ITPR2: variants seen among roughly 807,000 people sequenced by gnomAD.
The protein encoded by ITPR2 is inositol 1,4,5-trisphosphate-gated calcium channel ITPR2.
A neutral mutation model predicts 317.1 loss-of-function variants in ITPR2; 207 were observed. That is an observed-to-expected ratio of 0.65 (90% CI 0.58 to 0.73). ITPR2 has a LOEUF of 0.73. Ranked by LOEUF, ITPR2 falls within the 30% of genes least tolerant of loss-of-function variation. The pLI is 0.00. For synonymous variants in ITPR2, 1,156 were observed against 1,149.1 expected, an observed-to-expected ratio of 1.01 and a Z score of -0.12; for missense variants, 2,613 against 3,284.0, an observed-to-expected ratio of 0.80 and a Z score of 4.99.
chr12:26,443,053 G>C lies in ITPR2; in HGVS notation c.6450+490C>G, dbSNP rs537429998. On this transcript the variant is annotated intron_variant, in intron 46 of 56. Transcript: ENST00000381340. ...ATAATGTCTCATTTATGAGGGTGGT[G>C]GAGGGGTCAAGTGCTGCATACTGAA... Among the ~76,000 whole-genome samples, 7 of 152,046 alleles carry C rather than the reference G, an allele frequency of 4.6e-5. No individual in the cohort carries two copies. The South Asian group carries it at 1.5e-3, about 32-fold the overall frequency.
At position 26,544,719 on chromosome 12, in the gene ITPR2, G is replaced by A. The variant is rs1046824102; in HGVS notation, c.5073+5528C>T. Reference sequence around the variant, plus strand: ...AATTCAAATAAGTGGAGTCTCAAATGTAATATTAGAATAGCTCGTGTGAAA... The same window carrying A: ...AATTCAAATAAGTGGAGTCTCAAATATAATATTAGAATAGCTCGTGTGAAA... On this transcript the variant is annotated intron_variant, in intron 37 of 56. Coordinates refer to ENST00000381340, the MANE Select transcript of ITPR2 (RefSeq NM_002223.4). Among the ~76,000 whole-genome samples the A allele has an allele frequency of 2.0e-5, 3 of 150,398 alleles. No homozygotes were observed. In the East Asian group the frequency reaches 5.8e-4, roughly 29 times the overall value.
chr12:26,780,946 C>T lies in ITPR2; in HGVS notation c.163+9211G>A, dbSNP rs574444936. Among the ~76,000 whole-genome samples the T allele has an allele frequency of 9.2e-5, 14 of 152,256 alleles. No homozygotes were observed. The East Asian group carries it at 2.3e-3, about 25-fold the overall frequency. ...TTCCTCCTACCTTTAAGTCAACAGG[C>T]TAAGAAGGGAGTTACAGTGTTGGCT... On this transcript the variant is annotated intron_variant, in intron 2 of 56. Transcript: ENST00000381340.
Position 26,556,169 on chromosome 12 carries a change from C to T in ITPR2, c.4964+64G>A, listed in dbSNP as rs560547609. ...CATTTTATATCAGTGAAGTATAAAG[C>T]GGAAATGTTAGAGGCCATGTCAGTT... On this transcript the variant is annotated intron_variant, in intron 36 of 56. Transcript: ENST00000381340. 2.8e-3 allele frequency: 4,346 copies of T among 1,536,490 alleles called. 11 individuals are homozygous for T. The highest frequency in any genetic ancestry group is 3.6e-3 in the Non-Finnish European group (4,028 of 1,129,038).
At chr12:26,682,539 T>G in intron 12 of ITPR2, 35 bp downstream of exon 12, 1 of 1,318,794 alleles carries the variant, frequency 7.6e-7, no homozygotes, top group Non-Finnish European at 1.1e-6. Context: ...TCATGGCATT[T>G]GGCTGAAAAT....
intron 37 of ITPR2, among the ~76,000 whole-genome samples, chr12:26,524,639 T>G (rs1233995391): frequency 6.6e-6 from 1 of 152,176 alleles, no homozygotes; most frequent in Non-Finnish European, 1.5e-5. Context: ...TGAACTCAAG[T>G]ACATGGCAAT....
chr12:26,786,446 C>CAATAAAAAAAAAATAAAAAA (rs1950248156), intron 2 of ITPR2, among the ~76,000 whole-genome samples: 1 of 22,612 alleles, frequency 4.4e-5, no homozygotes, highest in African/African-American at 2.1e-4. Context: ...CAAGAATGAT[C>CAATAAAAAAAAAATAAAAAA]AATAAAAAAA....
chr12:26,441,202 T>C (rs1941481626), intron 46 of ITPR2, among the ~76,000 whole-genome samples: 1 of 152,214 alleles, frequency 6.6e-6, no homozygotes, highest in Non-Finnish European at 1.5e-5. Context: ...AGTTTCTTCC[T>C]GATGTAGTGA....
chr12:26,683,094 G>T (rs763672888), intron 11 of ITPR2, among the ~76,000 whole-genome samples: 3 of 152,190 alleles, frequency 2.0e-5, no homozygotes, highest in Non-Finnish European at 4.4e-5. Context: ...CAGTAGTGTA[G>T]TTTGTGTAGT....
chr12:26,698,994 T>C lies in ITPR2; in HGVS notation c.952-3344A>G, dbSNP rs546777738. ...TTATTTGTCTTCTGCTTGAAAAATTTCAACTTTTCTTTTAAATTAAAAAAA... is the reference window on the plus strand; with the variant it reads ...TTATTTGTCTTCTGCTTGAAAAATTCCAACTTTTCTTTTAAATTAAAAAAA... On this transcript the variant is annotated intron_variant, in intron 9 of 56. Transcript: ENST00000381340. Among the ~76,000 whole-genome samples, 3 of 151,812 alleles carry C rather than the reference T, an allele frequency of 2.0e-5. No homozygotes were observed. In the South Asian group the frequency reaches 6.3e-4, roughly 32 times the overall value.
rs145736178 is a variant in ITPR2, at chr12:26,638,747, G to A, written c.2741-6688C>T. On this transcript the variant is annotated intron_variant, in intron 21 of 56. Coordinates refer to ENST00000381340, the MANE Select transcript of ITPR2 (RefSeq NM_002223.4). ...AATGCAAAGATAACATGAAACAAGG[G>A]AGGATGGCTAATATAGTGAATGACT... 3.2e-4 allele frequency among the ~76,000 whole-genome samples: 48 copies of A among 152,254 alleles called. No homozygotes were observed. The East Asian group carries it at 8.9e-3, about 28-fold the overall frequency.
chr12:26,773,799 TGTG>T (rs34882033), intron 2 of ITPR2, among the ~76,000 whole-genome samples: 55,414 of 151,704 alleles, frequency 0.37, 12,561 homozygotes, highest in Non-Finnish European at 0.52. Context: ...GGCAAAGCAA[TGTG>T]GTGTTCTCAT....
chr12:26,523,603 C>T (rs986549320), intron 37 of ITPR2, among the ~76,000 whole-genome samples: 1 of 152,074 alleles, frequency 6.6e-6, no homozygotes, highest in African/African-American at 2.4e-5. Flanking sequence ...GGTACTCCCC[C>T]ACCCCTACAT....
intron 2 of ITPR2, among the ~76,000 whole-genome samples, chr12:26,756,669 G>C (rs1178841520): frequency 6.6e-6 from 1 of 152,140 alleles, no homozygotes; most frequent in African/African-American, 2.4e-5. Flanking sequence ...CTGAACACAA[G>C]AGATGCTAAT....
intron 32 of ITPR2, among the ~76,000 whole-genome samples, chr12:26,581,475 T>A (rs953655836): frequency 6.6e-6 from 1 of 152,186 alleles, no homozygotes; most frequent in Admixed American, 6.6e-5. Context: ...CGGAAATAAA[T>A]TATGTCAAAT....
At chr12:26,784,020 GT>G in intron 2 of ITPR2, among the ~76,000 whole-genome samples, 1 of 150,526 alleles carries the variant, frequency 6.6e-6, no homozygotes, top group Non-Finnish European at 1.5e-5. Flanking sequence ...TATGACTGAA[GT>G]CTGGAATGCA....
At chr12:26,351,043 A>G (rs898613189) in intron 55 of ITPR2, among the ~76,000 whole-genome samples, 14 of 152,310 alleles carry the variant, frequency 9.2e-5, no homozygotes, top group African/African-American at 3.4e-4. Context: ...CTGGCAAGCT[A>G]CAAGGCCTCT....
At chr12:26,562,731 A>T (rs537146979) in intron 34 of ITPR2, among the ~76,000 whole-genome samples, 1 of 149,906 alleles carries the variant, frequency 6.7e-6, no homozygotes, top group African/African-American at 2.4e-5. Context: ...ACACTTGGAC[A>T]CAGGAAGGGG....
At chr12:26,683,185 C>T (rs969431005) in intron 11 of ITPR2, among the ~76,000 whole-genome samples, 9 of 152,144 alleles carry the variant, frequency 5.9e-5, no homozygotes, top group African/African-American at 1.2e-4. Flanking sequence ...TTCTCCTGTT[C>T]GGTAAAATTT....
At position 26,622,395 on chromosome 12, in the gene ITPR2, T is replaced by G; in HGVS notation, c.3133A>C (p.Asn1045His). 1 of 1,600,176 alleles carries G rather than the reference T, an allele frequency of 6.2e-7. No individual in the cohort carries two copies. Among genetic ancestry groups the G allele is most frequent in the Non-Finnish European group, 8.5e-7 (1 of 1,175,286 alleles). The change falls in exon 25 of 57, where the codon AAT becomes CAT. Residue 1045 changes from asparagine to histidine, a missense_variant. By Grantham distance (68) the Asn-to-His change is moderately conservative. Around this residue, in one of 9 missense-constraint regions of ITPR2, gnomAD observed 817 missense variants for 897.6 expected, o/e 0.91. Coordinates refer to ENST00000381340, the MANE Select transcript of ITPR2 (RefSeq NM_002223.4). ...CCTTCATCGTCAAGTTGAACTGGAT[T>G]TTTTTCTTTTCTATAAAACCAAAAA... ...ETMFAGRKEK[N>H]PVQLDDEGGR...
Sources: gnomAD v4.1 joint callset for allele counts (sites outside exome capture counted in the v4.1 genomes callset) on GRCh38, gnomAD v4.1.1 for gene constraint, gnomAD v4.1.1 regional missense constraint, MANE v1.5 for transcripts, NCBI Gene and HGNC (gene_info 2026-07-23, HGNC 2026-07-21) for gene names.